ADAMTS18: variants seen among roughly 807,000 people sequenced by gnomAD.
The protein encoded by ADAMTS18 is ADAM metallopeptidase with thrombospondin type 1 motif 18, also known as A disintegrin and metalloproteinase with thrombospondin motifs 18.
ADAMTS18 carries 157 observed loss-of-function variants against 165.9 expected under a neutral mutation model. That is an observed-to-expected ratio of 0.95 (90% CI 0.83 to 1.08). The LOEUF (loss-of-function observed/expected upper bound fraction) is 1.08. Ranked by LOEUF, ADAMTS18 falls within the 50% of genes least tolerant of loss-of-function variation. The pLI is 0.00. For synonymous variants in ADAMTS18, 782 were observed against 578.2 expected (o/e 1.35, Z -5.06); for missense variants, 2,040 against 1,534.0 (o/e 1.33, Z -5.51).
At chr16:77,401,386 A>C (rs930483244) in intron 3 of ADAMTS18, among the ~76,000 whole-genome samples, 2 of 152,240 alleles carry the variant, frequency 1.3e-5, no homozygotes, top group African/African-American at 4.8e-5. Flanking sequence ...ACCTTTACTG[A>C]AATTAATTCA....
intron 22 of ADAMTS18, among the ~76,000 whole-genome samples, chr16:77,286,023 C>T (rs570644026): frequency 1.3e-5 from 2 of 152,296 alleles, no homozygotes; most frequent in South Asian, 2.1e-4. Context: ...TCGTACTCAG[C>T]GTTAAATCTG....
intron 22 of ADAMTS18, among the ~76,000 whole-genome samples, chr16:77,288,327 G>C (rs1319546086): frequency 6.6e-6 from 1 of 151,998 alleles, no homozygotes; most frequent in African/African-American, 2.4e-5. Context: ...ATGACCGCTT[G>C]CTCATTTCTT....
In ADAMTS18 at chr16:77,289,283, A is replaced by C. The variant is rs1203414332; in HGVS notation, c.3531T>G (p.Cys1177Trp). ...TTTTACCTCTCTTTTCAGGAGCTGG[A>C]CAGAAGTTTGTATTACAGGCTCGTA... ...PVLRACNTNF[C>W]PAPEKREDPS... is the part of the protein sequence containing the mutation. The change falls in exon 22 of 23, where the codon TGT becomes TGG. Residue 1177 changes from cysteine (C) to tryptophan (W), a missense_variant. Cys to Trp is a radical substitution (Grantham distance 215, BLOSUM62 -2). Transcript: ENST00000282849. 6.2e-7 allele frequency: 1 copy of C among 1,614,054 alleles called. No individual in the cohort carries two copies. Among genetic ancestry groups the C allele is most frequent in the Non-Finnish European group, 8.5e-7 (1 of 1,180,018 alleles).
rs2056816640 is a variant in ADAMTS18, at chr16:77,367,610, G to A, written c.609C>T (p.Tyr203=). Residue 203 remains tyrosine, a synonymous_variant, in exon 4 of 23, where the codon TAC becomes TAT. Coordinates refer to ENST00000282849, the MANE Select transcript of ADAMTS18 (RefSeq NM_199355.4). ...GGATCTTCTCCTCTGCTGTCCTTTT[G>A]TACAGTACGTGAGGATGGTGACCCG... ...SPAGHHPHVL[Y]KRTAEEKIQR... The A allele has an allele frequency of 1.2e-6, 2 of 1,614,084 alleles. No individual in the cohort carries two copies. The highest frequency in any genetic ancestry group is 1.7e-6 in the Non-Finnish European group (2 of 1,180,052).
intron 12 of ADAMTS18, among the ~76,000 whole-genome samples, chr16:77,335,523 T>A (rs1219272973): frequency 6.6e-6 from 1 of 151,968 alleles, no homozygotes; most frequent in Non-Finnish European, 1.5e-5. Context: ...ATTTTTTTAA[T>A]AAAGAAACAA....
intron 12 of ADAMTS18, among the ~76,000 whole-genome samples, chr16:77,326,630 C>A (rs912017434): frequency 1.3e-5 from 2 of 152,162 alleles, no homozygotes; most frequent in Admixed American, 6.5e-5. Context: ...TGATCCACCC[C>A]CATCAGGCTC....
chr16:77,333,855 CTAT>C (rs1398415324), intron 12 of ADAMTS18, among the ~76,000 whole-genome samples: 1 of 135,204 alleles, frequency 7.4e-6, no homozygotes, highest in African/African-American at 2.8e-5. Flanking sequence ...ATATAGTATA[CTAT>C]TATACTATAT....
At position 77,312,313 on chromosome 16, in the gene ADAMTS18, C is replaced by T. The variant is rs547345493; in HGVS notation, c.2532+7536G>A. ...GTGCAATGGCACGGTCTTGGCTCAC[C>T]GCAACCTCTGCCTCCTGGGTTCAAG... On this transcript the variant is annotated intron_variant, in intron 16 of 22. Coordinates refer to ENST00000282849, the MANE Select transcript of ADAMTS18 (RefSeq NM_199355.4). Among the ~76,000 whole-genome samples, 34 of 152,070 alleles carry T rather than the reference C, an allele frequency of 2.2e-4. 1 individual carries two copies. The highest frequency in any genetic ancestry group is 1.7e-3 in the South Asian group (8 of 4,820).
chr16:77,287,846 GA>G (rs1324790750), intron 22 of ADAMTS18, among the ~76,000 whole-genome samples: 2 of 152,098 alleles, frequency 1.3e-5, no homozygotes, highest in African/African-American at 4.8e-5. Context: ...AGGTAGAACT[GA>G]CCATCACTGT....
chr16:77,396,592 G>C (rs1262327444), intron 3 of ADAMTS18, among the ~76,000 whole-genome samples: 1 of 152,190 alleles, frequency 6.6e-6, no homozygotes, highest in Non-Finnish European at 1.5e-5. Flanking sequence ...AACAAATGTT[G>C]AAGCTGGTCA....
chr16:77,286,854 T>C (rs1359410303), intron 22 of ADAMTS18, among the ~76,000 whole-genome samples: 1 of 152,186 alleles, frequency 6.6e-6, no homozygotes, highest in Admixed American at 6.5e-5. Context: ...GGGCCTTCTC[T>C]CTTTTCTGAA....
intron 20 of ADAMTS18, among the ~76,000 whole-genome samples, chr16:77,292,010 A>C (rs2055373422): frequency 6.6e-6 from 1 of 152,196 alleles, no homozygotes; most frequent in African/African-American, 2.4e-5. Flanking sequence ...CCTTTTAGGA[A>C]AAATATCCTT....
At chr16:77,359,935 T>C (rs1443414833) in intron 7 of ADAMTS18, among the ~76,000 whole-genome samples, 1 of 152,228 alleles carries the variant, frequency 6.6e-6, no homozygotes, top group African/African-American at 2.4e-5. Context: ...AAATTCATTT[T>C]TCTCTGGTTC....
intron 20 of ADAMTS18, among the ~76,000 whole-genome samples, chr16:77,291,864 C>G (rs185272420): frequency 6.6e-6 from 1 of 152,168 alleles, no homozygotes. Flanking sequence ...AGTTAGGAAT[C>G]TGAGTTGAAG....
At chr16:77,286,815 A>G (rs60275659) in intron 22 of ADAMTS18, among the ~76,000 whole-genome samples, 24,510 of 152,084 alleles carry the variant, frequency 0.16, 2,281 homozygotes, top group African/African-American at 0.25. Flanking sequence ...GCAGTGTGAC[A>G]CAAGTCTCTG....
At chr16:77,313,250 T>C (rs374405885) in intron 16 of ADAMTS18, among the ~76,000 whole-genome samples, 6 of 151,702 alleles carry the variant, frequency 4.0e-5, no homozygotes, top group East Asian at 3.9e-4. Context: ...ACAATGAGAA[T>C]ACTTGGACAC....
rs576813614 is a variant in ADAMTS18 at position 77,359,341 on chromosome 16, G to A, written c.1299C>T (p.Thr433=). The change falls in exon 8 of 23, where the codon ACC becomes ACT. Residue 433 remains threonine, a synonymous_variant. Coordinates refer to ENST00000282849, the MANE Select transcript of ADAMTS18 (RefSeq NM_199355.4). ...ACTTGTGCCCTGACTCATGAGCGATGGTGAAGGCAAGGCCAAGTCCTGTGT... is the reference window on the plus strand; with the variant it reads ...ACTTGTGCCCTGACTCATGAGCGATAGTGAAGGCAAGGCCAAGTCCTGTGT... ...NEDTGLGLAF[T]IAHESGHNFG... 3.1e-6 allele frequency: 5 copies of A among 1,613,938 alleles called. No individual in the cohort carries two copies. Among genetic ancestry groups the A allele is most frequent in the Non-Finnish European group, 4.2e-6 (5 of 1,180,010 alleles).
chr16:77,298,007 C>G (rs2055508078), intron 17 of ADAMTS18, among the ~76,000 whole-genome samples: 1 of 141,282 alleles, frequency 7.1e-6, no homozygotes, highest in Non-Finnish European at 1.5e-5. Context: ...TCACTGCAAC[C>G]TCTGCCTCCC....
At chr16:77,428,405 T>C (rs1260396925) in intron 3 of ADAMTS18, among the ~76,000 whole-genome samples, 1 of 152,076 alleles carries the variant, frequency 6.6e-6, no homozygotes, top group Non-Finnish European at 1.5e-5. Flanking sequence ...TCTAAGAAAA[T>C]GTAAACAAAA....
Sources: allele counts gnomAD v4.1 joint callset (sites outside exome capture counted in the v4.1 genomes callset), GRCh38; gene constraint gnomAD v4.1.1; transcripts MANE v1.5; gene names NCBI Gene and HGNC (gene_info 2026-07-23, HGNC 2026-07-21).